The following DMD variants were observed in gnomAD, a reference collection of about 807,000 sequenced individuals.
DMD encodes dystrophin, also known as mutant dystrophin.
In DMD, 63 loss-of-function variants were observed where a neutral mutation model predicts 330.1. That is an observed-to-expected ratio of 0.19 (90% CI 0.16 to 0.24). The LOEUF is 0.24. Among genes scored for constraint, DMD ranks in the 10% least tolerant of loss-of-function variants. The pLI is 1.00. For missense variants in DMD, 3,344 were observed against 2,684.1 expected, an observed-to-expected ratio of 1.25 and a Z score of -5.43; for synonymous variants, 1,223 against 959.8, an observed-to-expected ratio of 1.27 and a Z score of -5.07.
intron 56 of DMD, among the ~76,000 whole-genome samples, chrX:31,505,097 G>A (rs2070794606): frequency 1.8e-5 from 2 of 112,182 alleles, no homozygotes; most frequent in South Asian, 3.7e-4. Flanking sequence ...AACAATTATA[G>A]CATCTTTCTT....
At chrX:32,541,663 G>A in intron 17 of DMD, among the ~76,000 whole-genome samples, 1 of 111,203 alleles carries the variant, frequency 9.0e-6, no homozygotes, top group Non-Finnish European at 1.9e-5. Context: ...GTGGAAGGTG[G>A]GAGGCAGGTG....
intron 41 of DMD, among the ~76,000 whole-genome samples, chrX:32,313,852 G>T (rs1472939993): frequency 9.0e-6 from 1 of 110,957 alleles, no homozygotes; most frequent in Non-Finnish European, 1.9e-5. Context: ...GATGTGAAGG[G>T]CCTCTTCAAG....
intron 51 of DMD, among the ~76,000 whole-genome samples, chrX:31,764,760 AGAT>A (rs1221076271): frequency 8.9e-6 from 1 of 111,866 alleles, no homozygotes; most frequent in Non-Finnish European, 1.9e-5. Context: ...TGAAGAGAGA[AGAT>A]GACAGTTAAA....
At chrX:31,970,894 G>C (rs1374453974) in intron 44 of DMD, among the ~76,000 whole-genome samples, 2 of 111,826 alleles carry the variant, frequency 1.8e-5, no homozygotes, top group African/African-American at 6.5e-5. Context: ...AGATGTCAGG[G>C]AGGTATTTAG....
intron 62 of DMD, among the ~76,000 whole-genome samples, chrX:31,297,225 G>T (rs1296072527): frequency 1.3e-4 from 14 of 110,449 alleles, no homozygotes; most frequent in Non-Finnish European, 2.3e-4. Flanking sequence ...AAGTTTAGTG[G>T]TAAACTAAAC....
At chrX:31,563,325 G>A (rs920154967) in intron 55 of DMD, among the ~76,000 whole-genome samples, 1 of 111,927 alleles carries the variant, frequency 8.9e-6, no homozygotes, top group Non-Finnish European at 1.9e-5. Context: ...CTCCCAAAGT[G>A]CTGGGATTAC....
At chrX:33,008,827 CGT>C (rs1491575422) in intron 2 of DMD, among the ~76,000 whole-genome samples, 2 of 41,065 alleles carry the variant, frequency 4.9e-5, no homozygotes, top group African/African-American at 8.9e-5. Flanking sequence ...TAAATGTATA[CGT>C]ATATATATAC....
At chrX:32,792,088 A>G (rs2075861263) in intron 7 of DMD, among the ~76,000 whole-genome samples, 1 of 111,746 alleles carries the variant, frequency 8.9e-6, no homozygotes, top group African/African-American at 3.3e-5. Flanking sequence ...ATGTTATATT[A>G]AACTTGCTGA....
In DMD at chrX:32,821,797, G is replaced by A. The variant is rs185399278; in HGVS notation, c.357+1498C>T. Among the ~76,000 whole-genome samples the A allele has an allele frequency of 4.4e-4, 48 of 109,987 alleles. 1 individual carries two copies. The highest frequency in any genetic ancestry group is 1.4e-3 in the African/African-American group (41 of 30,275). Reference sequence around the variant, plus strand: ...AATAGATTGACAATTGCCTAGGGCTGGGGTGGGAGTGAAAAATGACTGTAA... The same window carrying A: ...AATAGATTGACAATTGCCTAGGGCTAGGGTGGGAGTGAAAAATGACTGTAA... On this transcript the variant is annotated intron_variant, in intron 5 of 78. Coordinates refer to ENST00000357033, the MANE Select transcript of DMD (RefSeq NM_004006.3).
intron 62 of DMD, among the ~76,000 whole-genome samples, chrX:31,267,310 AG>A (rs764318970): frequency 6.3e-5 from 7 of 111,830 alleles, no homozygotes; most frequent in African/African-American, 2.3e-4. Flanking sequence ...AAAAAATAAA[AG>A]AAAAAAATTA....
rs1455438531 is a variant in DMD at position 31,559,467 on chromosome X, C to G, written c.8218-52014G>C. 2.4e-5 allele frequency among the ~76,000 whole-genome samples: 2 copies of G among 81,977 alleles called. 1 individual carries two copies. The highest frequency in any genetic ancestry group is 4.5e-5 in the Non-Finnish European group (2 of 44,845). The allele number at this position is 81,977 out of a possible 115,157, so 71.2% of individuals were successfully genotyped here. ...ACCATCCTGGCTAACACGGTGAAACCCCGTCTCTACTAAAAATACAAAAAT... is the reference window on the plus strand; with the variant it reads ...ACCATCCTGGCTAACACGGTGAAACGCCGTCTCTACTAAAAATACAAAAAT... On this transcript the variant is annotated intron_variant, in intron 55 of 78. Coordinates refer to ENST00000357033, the MANE Select transcript of DMD (RefSeq NM_004006.3).
At chrX:33,029,426 A>C (rs1173252011) in intron 1 of DMD, among the ~76,000 whole-genome samples, 1 of 112,063 alleles carries the variant, frequency 8.9e-6, no homozygotes. Context: ...CTTCTGACAC[A>C]ATGTAAAATG....
rs777916804 is a variant in DMD at position 32,566,212 on chromosome X, TG to T, written c.1813-332del. On this transcript the variant is annotated intron_variant, in intron 15 of 78. Coordinates refer to ENST00000357033, the MANE Select transcript of DMD (RefSeq NM_004006.3). ...AAAAGGCAAAACAGAGATCAACATGTGGAAATTAGAAGGCACGGATCTTGGA... is the reference window on the plus strand; with the variant it reads ...AAAAGGCAAAACAGAGATCAACATGTGAAATTAGAAGGCACGGATCTTGGA... 4.5e-5 allele frequency among the ~76,000 whole-genome samples: 5 copies of T among 111,820 alleles called. No individual in the cohort carries two copies. The South Asian group carries it at 1.9e-3, about 41-fold the overall frequency.
chrX:33,303,271 T>C (rs998707596), intron 1 of DMD, among the ~76,000 whole-genome samples: 1 of 111,871 alleles, frequency 8.9e-6, no homozygotes, highest in Non-Finnish European at 1.9e-5. Context: ...CTTTGGTATT[T>C]TACATTTTAA....
intron 2 of DMD, among the ~76,000 whole-genome samples, chrX:32,997,331 C>T (rs2093150342): frequency 9.1e-6 from 1 of 109,547 alleles, no homozygotes; most frequent in South Asian, 4.1e-4. Context: ...CTGCAACCTC[C>T]GCCTCCTGGG....
At chrX:32,590,375 G>C (rs2054763634) in intron 13 of DMD, among the ~76,000 whole-genome samples, 1 of 111,581 alleles carries the variant, frequency 9.0e-6, no homozygotes. Flanking sequence ...TTAATATTAT[G>C]TGTCAACTTC....
At chrX:31,887,933 G>C (rs957092936) in intron 47 of DMD, among the ~76,000 whole-genome samples, 9 of 111,998 alleles carry the variant, frequency 8.0e-5, no homozygotes, top group Non-Finnish European at 1.3e-4. Flanking sequence ...AAAAGAGAAG[G>C]TAAATCTCCT....
At chrX:31,617,165 C>T (rs2078243751) in intron 55 of DMD, among the ~76,000 whole-genome samples, 1 of 111,887 alleles carries the variant, frequency 8.9e-6, no homozygotes, top group Admixed American at 9.5e-5. Flanking sequence ...ATAACTAACA[C>T]ATAACTGACA....
rs753896347 is a variant in DMD, at chrX:32,553,853, G to A, written c.1993-8519C>T. 2.7e-5 allele frequency among the ~76,000 whole-genome samples: 3 copies of A among 111,874 alleles called. No homozygotes were observed. In the South Asian group the frequency reaches 1.1e-3, roughly 42 times the overall value. ...TGGACCTCCCCCTTGCTGCTCTCCT[G>A]ATAAGAGTTCTCATGAGATTTGTTT... On this transcript the variant is annotated intron_variant, in intron 16 of 78. Coordinates refer to ENST00000357033, the MANE Select transcript of DMD (RefSeq NM_004006.3).
Sources: allele counts gnomAD v4.1 joint callset (sites outside exome capture counted in the v4.1 genomes callset), GRCh38; gene constraint gnomAD v4.1.1; transcripts MANE v1.5; gene names NCBI Gene and HGNC (gene_info 2026-07-23, HGNC 2026-07-21).